Variants in RASAL2 observed in about 807,000 individuals in gnomAD.
RASAL2 encodes ras GTPase-activating protein nGAP.
In RASAL2, 58 loss-of-function variants were observed where a neutral mutation model predicts 128.9. The ratio of observed to expected loss-of-function variants is 0.45; its 90% CI spans 0.36 to 0.56. RASAL2 has a LOEUF of 0.56. Ranked by LOEUF, RASAL2 falls within the 20% of genes least tolerant of loss-of-function variation. The probability of loss-of-function intolerance (pLI) is 0.00; values close to 1 mark genes in which losing one functional copy is unlikely to be tolerated. For missense variants in RASAL2, 1,360 were observed against 1,601.6 expected (o/e 0.85, Z 2.57); for synonymous variants, 561 against 580.8 (o/e 0.97, Z 0.49).
At position 178,478,434 on chromosome 1, in the gene RASAL2, C is replaced by T. The variant is rs1648826389; in HGVS notation, c.*5195C>T. The T allele has an allele frequency of 6.6e-6, 1 of 152,178 alleles. No individual in the cohort carries two copies. The highest frequency in any genetic ancestry group is 1.5e-5 in the Non-Finnish European group (1 of 68,034). 9.4% of individuals were successfully genotyped at this position (152,178 alleles called of 1,614,324 possible). A position where few individuals can be genotyped will look rare whatever the true frequency, so the allele number is the denominator to read the frequency against. ...CTTAGACATTTCCTAGTTATATTAACTTAAGCAGACAGCAGCACATTAACC... is the reference window on the plus strand; with the variant it reads ...CTTAGACATTTCCTAGTTATATTAATTTAAGCAGACAGCAGCACATTAACC... On this transcript the variant is annotated 3_prime_UTR_variant, in exon 18 of 18. Transcript: ENST00000367649.
At chr1:178,280,720 A>G (rs1666742729) in intron 1 of RASAL2, among the ~76,000 whole-genome samples, 1 of 152,120 alleles carries the variant, frequency 6.6e-6, no homozygotes, top group Non-Finnish European at 1.5e-5. Context: ...GTATCCTCCT[A>G]GGAATGGACA....
At chr1:178,345,389 T>C (rs1205875423) in intron 3 of RASAL2, among the ~76,000 whole-genome samples, 1 of 152,090 alleles carries the variant, frequency 6.6e-6, no homozygotes, top group African/African-American at 2.4e-5. Flanking sequence ...TCGTTCAGGA[T>C]CAAGTGTTGC....
chr1:178,341,773 G>A (rs1442174867), intron 3 of RASAL2, among the ~76,000 whole-genome samples: 1 of 152,166 alleles, frequency 6.6e-6, no homozygotes, highest in Non-Finnish European at 1.5e-5. Flanking sequence ...ATACTGTGTG[G>A]AAGCTGTCTG....
chr1:178,266,873 TG>T (rs928697006), intron 1 of RASAL2, among the ~76,000 whole-genome samples: 2 of 151,774 alleles, frequency 1.3e-5, no homozygotes, highest in African/African-American at 4.8e-5. Context: ...CTTGGGGAAA[TG>T]GGGGGCAGCC....
chr1:178,368,233 T>G (rs1305189503), intron 3 of RASAL2, among the ~76,000 whole-genome samples: 1 of 152,208 alleles, frequency 6.6e-6, no homozygotes, highest in East Asian at 1.9e-4. Flanking sequence ...CTGGCTGTGT[T>G]GATTTGGAAA....
At chr1:178,433,406 A>C (rs1676053494) in intron 5 of RASAL2, among the ~76,000 whole-genome samples, 1 of 151,974 alleles carries the variant, frequency 6.6e-6, no homozygotes, top group South Asian at 2.1e-4. Flanking sequence ...TGGATTGTTA[A>C]CTCACTAGAT....
chr1:178,204,641 A>T (rs927889581), intron 1 of RASAL2, among the ~76,000 whole-genome samples: 1 of 152,258 alleles, frequency 6.6e-6, no homozygotes, highest in Non-Finnish European at 1.5e-5. Flanking sequence ...TGCATAAATT[A>T]AAAAGCAAAA....
At chr1:178,283,445 T>C (rs966500367) in intron 1 of RASAL2, 119 bp from the exon 2 acceptor site, 1 of 1,255,712 alleles carries the variant, frequency 8.0e-7, no homozygotes, top group South Asian at 1.6e-5. Flanking sequence ...AAATTTACCA[T>C]TGAGATTCGT....
chr1:178,338,434 T>C (rs986459235), intron 3 of RASAL2, among the ~76,000 whole-genome samples: 1 of 152,184 alleles, frequency 6.6e-6, no homozygotes, highest in African/African-American at 2.4e-5. Flanking sequence ...CGGGCCTGGT[T>C]TCAGAATTTC....
chr1:178,220,740 T>C (rs1663585796), intron 1 of RASAL2, among the ~76,000 whole-genome samples: 1 of 152,262 alleles, frequency 6.6e-6, no homozygotes, highest in Non-Finnish European at 1.5e-5. Context: ...TGTCTTTTCA[T>C]AGCTTGATGG....
chr1:178,192,740 G>T (rs144815661), intron 1 of RASAL2, among the ~76,000 whole-genome samples: 16 of 152,282 alleles, frequency 1.1e-4, no homozygotes, highest in African/African-American at 3.4e-4. Context: ...CTGTATCTAA[G>T]TAGGCAAATG....
intron 1 of RASAL2, among the ~76,000 whole-genome samples, chr1:178,267,796 T>G (rs1473294893): frequency 6.6e-6 from 1 of 151,982 alleles, no homozygotes; most frequent in African/African-American, 2.4e-5. Context: ...TATTTTGCTT[T>G]CTTTTCTTTT....
intron 1 of RASAL2, among the ~76,000 whole-genome samples, chr1:178,137,145 A>G (rs1433532932): frequency 6.6e-6 from 1 of 152,106 alleles, no homozygotes; most frequent in Non-Finnish European, 1.5e-5. Flanking sequence ...TCCGTGGAGG[A>G]ATTTATTTTT....
intron 3 of RASAL2, among the ~76,000 whole-genome samples, chr1:178,344,541 CT>C (rs1670048118): frequency 6.6e-6 from 1 of 152,190 alleles, no homozygotes; most frequent in Non-Finnish European, 1.5e-5. Context: ...TGCCCTTCTG[CT>C]CCAGTCTTGA....
intron 5 of RASAL2, among the ~76,000 whole-genome samples, chr1:178,431,913 A>T (rs1675934097): frequency 1.3e-5 from 2 of 148,890 alleles, no homozygotes; most frequent in African/African-American, 4.9e-5. Context: ...TTATATAAAT[A>T]TATGTAATAT....
chr1:178,317,875 T>A (rs1315990069), intron 3 of RASAL2, among the ~76,000 whole-genome samples: 1 of 151,840 alleles, frequency 6.6e-6, no homozygotes, highest in African/African-American at 2.4e-5. Flanking sequence ...GTTCTTTTAA[T>A]TGTGATGTTA....
intron 1 of RASAL2, among the ~76,000 whole-genome samples, chr1:178,274,519 T>G (rs1355922245): frequency 2.0e-5 from 3 of 152,078 alleles, no homozygotes; most frequent in African/African-American, 7.2e-5. Context: ...TGATCTTGAG[T>G]TTTTATCGCT....
intron 1 of RASAL2, among the ~76,000 whole-genome samples, chr1:178,211,406 A>C (rs1663252681): frequency 6.6e-6 from 1 of 152,128 alleles, no homozygotes; most frequent in Non-Finnish European, 1.5e-5. Flanking sequence ...CACAAACATG[A>C]TCACATTACT....
chr1:178,106,593 A>G (rs994777428), intron 1 of RASAL2, among the ~76,000 whole-genome samples: 3 of 152,208 alleles, frequency 2.0e-5, no homozygotes, highest in Non-Finnish European at 4.4e-5. Context: ...AATGTTGTCT[A>G]GTTTTATAAA....
Sources: gnomAD v4.1 joint callset for allele counts (sites outside exome capture counted in the v4.1 genomes callset) on GRCh38, gnomAD v4.1.1 for gene constraint, MANE v1.5 for transcripts, NCBI Gene and HGNC (gene_info 2026-07-23, HGNC 2026-07-21) for gene names.